Variants in SPTBN1 observed in about 807,000 individuals in gnomAD.
The protein encoded by SPTBN1 is spectrin beta chain, non-erythrocytic 1.
SPTBN1 carries 32 observed loss-of-function variants against 266.4 expected under a neutral mutation model. The observed-to-expected ratio is 0.12, with a 90% confidence interval of 0.09 to 0.16. The LOEUF (loss-of-function observed/expected upper bound fraction) is 0.16, where lower values mean the gene tolerates loss of function less well. Ranked by LOEUF, SPTBN1 falls within the 10% of genes least tolerant of loss-of-function variation. SPTBN1 has a pLI of 1.00. For synonymous variants in SPTBN1, 1,336 were observed against 1,162.2 expected, an observed-to-expected ratio of 1.15 and a Z score of -3.04; for missense variants, 2,296 against 3,067.1, an observed-to-expected ratio of 0.75 and a Z score of 5.94.
intron 3 of SPTBN1, 75 bp downstream of exon 3, chr2:54,599,318 C>A: frequency 1.3e-6 from 2 of 1,551,976 alleles, no homozygotes; most frequent in South Asian, 2.3e-5. Context: ...TGACTTGTCT[C>A]CTGTTGAATT....
At chr2:54,506,123 CTAAA>C (rs56815057) in intron 1 of SPTBN1, among the ~76,000 whole-genome samples, 68,048 of 145,150 alleles carry the variant, frequency 0.47, 17,155 homozygotes, top group South Asian at 0.64. Context: ...GACTCCGTCT[CTAAA>C]TAAATAAATA....
Position 54,646,277 on chromosome 2 carries a change from C to G in SPTBN1, c.4668C>G (p.Ser1556Arg). The change falls in exon 23 of 36, where the codon AGC becomes AGG. Residue 1556 changes from serine (S) to arginine (R), a missense_variant. Physicochemically the swap from Ser to Arg is moderately radical, Grantham distance 110 (BLOSUM62 -1). Transcript: ENST00000356805. This position sits in a 1 kb window ranked among gnomAD's most constrained non-coding sequence, Gnocchi z 4.4. ...GCCAAAACATCGTCACTGACAGCAG[C>G]AGCCTCAGCGCTGAGGCCATCAGAC... ...ERSQNIVTDS[S>R]SLSAEAIRQR... is the part of the protein sequence containing the mutation. 1 of 1,614,216 alleles carries G rather than the reference C, an allele frequency of 6.2e-7. No homozygotes were observed. Among genetic ancestry groups the G allele is most frequent in the Non-Finnish European group, 8.5e-7 (1 of 1,180,032 alleles).
rs1298779617 is a variant in SPTBN1, at chr2:54,631,045, G to A, written c.2998G>A (p.Gly1000Ser). Residue 1000 changes from glycine to serine, a missense_variant, in exon 16 of 36, where the codon GGC becomes AGC. This residue lies in a region of SPTBN1 where 128 missense variants were observed against 176.5 expected (regional missense o/e 0.73). Coordinates refer to ENST00000356805, the MANE Select transcript of SPTBN1 (RefSeq NM_003128.3). ...GVMALQRKLT[G>S]MERDLVAIEA... ...CATGGCCCTGCAGCGCAAGCTGACCGGCATGGAGCGGGACTTGGTGGCCAT... is the reference window on the plus strand; with the variant it reads ...CATGGCCCTGCAGCGCAAGCTGACCAGCATGGAGCGGGACTTGGTGGCCAT... 1.9e-6 allele frequency: 3 copies of A among 1,613,814 alleles called. No homozygotes were observed. Among genetic ancestry groups the A allele is most frequent in the Non-Finnish European group, 2.5e-6 (3 of 1,179,828 alleles).
chr2:54,561,099 T>TAA (rs1673269877), intron 2 of SPTBN1, among the ~76,000 whole-genome samples: 1 of 152,206 alleles, frequency 6.6e-6, no homozygotes, highest in Non-Finnish European at 1.5e-5. Context: ...TCCTAGCACA[T>TAA]AATCTCTGAA....
At chr2:54,602,612 C>A (rs1262328099) in intron 3 of SPTBN1, among the ~76,000 whole-genome samples, 1 of 152,184 alleles carries the variant, frequency 6.6e-6, no homozygotes, top group Non-Finnish European at 1.5e-5. Context: ...CTCCCCCAAA[C>A]CCCACCAAGT....
In SPTBN1 at chr2:54,664,323, A is replaced by G. The variant is rs564283397; in HGVS notation, c.6421-130A>G. The G allele has an allele frequency of 3.6e-5, 33 of 916,752 alleles. No individual in the cohort carries two copies. The highest frequency in any genetic ancestry group is 1.5e-4 in the African/African-American group (9 of 60,484). The allele number at this position is 916,752 out of a possible 1,614,324, so 56.8% of individuals were successfully genotyped here. A position where few individuals can be genotyped will look rare whatever the true frequency, so the allele number is the denominator to read the frequency against. On this transcript the variant is annotated intron_variant, in intron 32 of 35. Transcript: ENST00000356805. This position sits in a 1 kb window ranked among gnomAD's most constrained non-coding sequence, Gnocchi z 5.6. ...GTCCAGCTGGCTTTGTGGGTGTGCA[A>G]TGGTTTTACTGTACTGCCTCGATCT...
intron 2 of SPTBN1, among the ~76,000 whole-genome samples, chr2:54,547,012 A>T (rs900351045): frequency 2.0e-5 from 3 of 151,876 alleles, no homozygotes; most frequent in Non-Finnish European, 4.4e-5. Flanking sequence ...ACCATTTTTA[A>T]ATGTAACTTC....
rs1678823763 is a variant in SPTBN1, at chr2:54,632,575, C to T, written c.3574C>T (p.Leu1192=). 1 of 1,614,072 alleles carries T rather than the reference C, an allele frequency of 6.2e-7. No individual in the cohort carries two copies. Among genetic ancestry groups the T allele is most frequent in the African/African-American group, 1.3e-5 (1 of 74,926 alleles). Reference sequence around the variant, plus strand: ...CCTCTTTTTAAATAAGGAGTATGTTCTGGCTCACACTGAAATGCCTACCAC... The same window carrying T: ...CCTCTTTTTAAATAAGGAGTATGTTTTGGCTCACACTGAAATGCCTACCAC... ...EAFLNNQEYV[L]AHTEMPTTLE... Residue 1192 remains leucine (L), a synonymous_variant, in exon 17 of 36, where the codon CTG becomes TTG. Coordinates refer to ENST00000356805, the MANE Select transcript of SPTBN1 (RefSeq NM_003128.3).
chr2:54,487,832 C>CTTTTTTTTTTTTTTTTTTTTTTGTTT (rs70944169), intron 1 of SPTBN1, among the ~76,000 whole-genome samples: 1 of 68,644 alleles, frequency 1.5e-5, no homozygotes, highest in African/African-American at 5.5e-5. Context: ...CCTCCTGTGT[C>CTTTTTTTTTTTTTTTTTTTTTTGTTT]TTTTTTTTTT....
chr2:54,644,052 A>ATGG (rs1679759475), intron 19 of SPTBN1, among the ~76,000 whole-genome samples: 1 of 152,172 alleles, frequency 6.6e-6, no homozygotes. Context: ...GGAGGAGATA[A>ATGG]AGTCACGTTA....
Position 54,554,352 on chromosome 2 carries a change from C to T in SPTBN1, c.148+27786C>T, listed in dbSNP as rs1183139365. Among the ~76,000 whole-genome samples, 1 of 152,128 alleles carries T rather than the reference C, an allele frequency of 6.6e-6. No individual in the cohort carries two copies. ...CTGTATTTCTGTGAACCTCAGCTAC[C>T]TTGGTTGCAAAATGGTGACCATACC... is the stretch of plus-strand genomic sequence containing the variant. On this transcript the variant is annotated intron_variant, in intron 2 of 35. Coordinates refer to ENST00000356805, the MANE Select transcript of SPTBN1 (RefSeq NM_003128.3). This position sits in a 1 kb window ranked among gnomAD's most constrained non-coding sequence, Gnocchi z 4.5.
chr2:54,662,519 C>T (rs745768237), intron 32 of SPTBN1: 3 of 169,342 alleles, frequency 1.8e-5, no homozygotes, highest in Non-Finnish European at 3.6e-5. Flanking sequence ...TCTCTCTACC[C>T]AGGTCATTGC....
intron 1 of SPTBN1, among the ~76,000 whole-genome samples, chr2:54,492,749 A>G (rs1182552714): frequency 6.6e-6 from 1 of 152,204 alleles, no homozygotes; most frequent in Admixed American, 6.5e-5. Flanking sequence ...GTAATTGACT[A>G]CTGAGTGGAT....
At chr2:54,589,446 C>T (rs186766797) in intron 2 of SPTBN1, among the ~76,000 whole-genome samples, 2 of 152,302 alleles carry the variant, frequency 1.3e-5, no homozygotes, top group Admixed American at 6.5e-5. Flanking sequence ...GGAGGGACTG[C>T]CCAGCAGATG....
At position 54,490,079 on chromosome 2, in the gene SPTBN1, ATT is replaced by A. The variant is rs11326998; in HGVS notation, c.-48+33577_-48+33578del. Among the ~76,000 whole-genome samples, 349 of 135,350 alleles carry A rather than the reference ATT, an allele frequency of 2.6e-3. 5 individuals are homozygous for A. In the South Asian group the frequency reaches 0.043, roughly 17 times the overall value. 88.8% of individuals were successfully genotyped at this position (135,350 alleles called of 152,430 possible). A position where few individuals can be genotyped will look rare whatever the true frequency, so the allele number is the denominator to read the frequency against. ...CAGAGAATGGAAAACAAGTTTATGA[ATT>A]TTTTTTTTTTTTTTTGTGAGGCGGA... On this transcript the variant is annotated intron_variant, in intron 1 of 35. Coordinates refer to ENST00000356805, the MANE Select transcript of SPTBN1 (RefSeq NM_003128.3).
chr2:54,611,381 G>C (rs1296579368), intron 3 of SPTBN1, among the ~76,000 whole-genome samples: 2 of 152,036 alleles, frequency 1.3e-5, no homozygotes, highest in Non-Finnish European at 2.9e-5. Context: ...TAGTAGATGT[G>C]TGTGTGCTTT....
intron 17 of SPTBN1, 143 bp downstream of exon 17, chr2:54,632,911 A>AT (rs1678851668): frequency 1.2e-6 from 1 of 856,336 alleles, no homozygotes; most frequent in East Asian, 2.7e-5. Flanking sequence ...TCATCTACCC[A>AT]TACAGAAAAT....
intron 18 of SPTBN1, among the ~76,000 whole-genome samples, chr2:54,640,615 G>A (rs766498391): frequency 2.3e-4 from 34 of 150,598 alleles, no homozygotes; most frequent in Admixed American, 6.0e-4. Flanking sequence ...ACAGTGGTGG[G>A]ATCTCAGCTC....
intron 1 of SPTBN1, among the ~76,000 whole-genome samples, chr2:54,521,733 A>G (rs1368849303): frequency 6.6e-6 from 1 of 152,162 alleles, no homozygotes; most frequent in African/African-American, 2.4e-5. Context: ...CATCTTGCCC[A>G]GGTTGGTCTC....
Sources: allele counts gnomAD v4.1 joint callset (sites outside exome capture counted in the v4.1 genomes callset), GRCh38; gene constraint gnomAD v4.1.1; regional missense constraint gnomAD v4.1.1; non-coding constraint Gnocchi (gnomAD v3.1); transcripts MANE v1.5; gene names NCBI Gene and HGNC (gene_info 2026-07-23, HGNC 2026-07-21).